Variants in RUVBL1 observed in about 807,000 individuals in gnomAD.
RUVBL1 encodes the protein RuvB like AAA ATPase 1.
Under a neutral mutation model 52.4 loss-of-function variants are expected in RUVBL1, and 4 were observed. The ratio of observed to expected loss-of-function variants is 0.08; its 90% CI spans 0.04 to 0.17. The LOEUF is 0.17. Among genes scored for constraint, RUVBL1 ranks in the 10% least tolerant of loss-of-function variants. RUVBL1 has a pLI of 1.00. For synonymous variants in RUVBL1, 217 were observed against 214.4 expected, an observed-to-expected ratio of 1.01 and a Z score of -0.10; for missense variants, 298 against 572.8, an observed-to-expected ratio of 0.52 and a Z score of 4.90.
At chr3:128,143,902 T>G (rs1216280331) in intron 1 of RUVBL1, among the ~76,000 whole-genome samples, 1 of 152,132 alleles carries the variant, frequency 6.6e-6, no homozygotes, top group Non-Finnish European at 1.5e-5. Context: ...AGGGAGTAGG[T>G]GCTGACCACT....
intron 1 of RUVBL1, among the ~76,000 whole-genome samples, chr3:128,136,667 T>C (rs1299071626): frequency 1.4e-5 from 2 of 141,680 alleles, no homozygotes; most frequent in African/African-American, 2.6e-5. Flanking sequence ...ATAAGAAACA[T>C]ATTTCACCTA....
At chr3:128,109,333 G>A (rs902812920) in intron 3 of RUVBL1, among the ~76,000 whole-genome samples, 1 of 152,108 alleles carries the variant, frequency 6.6e-6, no homozygotes, top group Non-Finnish European at 1.5e-5. Context: ...ATTACTTGAG[G>A]CCAGGAGTTC....
intron 9 of RUVBL1, chr3:128,071,657 C>T (rs937288068): frequency 9.2e-5 from 14 of 152,806 alleles, no homozygotes; most frequent in African/African-American, 2.9e-4. Flanking sequence ...GAATAAGTGA[C>T]AAATAAAGCC....
chr3:128,111,816 C>A (rs763553878), intron 3 of RUVBL1, among the ~76,000 whole-genome samples: 5 of 152,080 alleles, frequency 3.3e-5, no homozygotes, highest in Non-Finnish European at 7.4e-5. Context: ...GGTAAATTTC[C>A]TTCTTAAGAA....
chr3:128,123,942 G>A, upstream of RUVBL1: 1 of 1,232,386 alleles, frequency 8.1e-7, no homozygotes, highest in Non-Finnish European at 1.0e-6. Context: ...ACTTCCGTCT[G>A]TGTCTCCGGG....
intron 9 of RUVBL1, chr3:128,070,592 C>T (rs765722726): frequency 6.6e-6 from 1 of 152,262 alleles, no homozygotes; most frequent in Admixed American, 6.5e-5. Flanking sequence ...GATCACCCAG[C>T]TGTGTTCAGA....
In RUVBL1 at chr3:128,067,540, A is replaced by G. The variant is rs1942018017; in HGVS notation, c.940-2320T>C. ...ACCCGGTCCATGCAGTTGTATACAT[A>G]GTGTTCATGCTGGGCTCCTGTGCAT... On this transcript the variant is annotated intron_variant, in intron 9 of 9. Transcript: ENST00000464873. This position sits in a 1 kb window ranked among gnomAD's most constrained non-coding sequence, Gnocchi z 4.1. The G allele has an allele frequency of 2.5e-6, 4 of 1,614,126 alleles. No individual in the cohort carries two copies. Among genetic ancestry groups the G allele is most frequent in the African/African-American group, 1.3e-5 (1 of 75,030 alleles).
chr3:128,087,909 G>C (rs1276273584), intron 8 of RUVBL1, 101 bp from the exon 9 acceptor site: 12 of 838,178 alleles, frequency 1.4e-5, no homozygotes, highest in Non-Finnish European at 2.4e-5. Context: ...AGCTGGCTAG[G>C]CAGCCTAAGA....
intron 1 of RUVBL1, among the ~76,000 whole-genome samples, chr3:128,153,017 C>T (rs867851673): frequency 2.1e-5 from 2 of 95,498 alleles, no homozygotes; most frequent in Non-Finnish European, 4.2e-5. Context: ...CCTTCGCCCC[C>T]CCATGTTCCG....
At chr3:128,098,126 A>G (rs1436552086) in intron 7 of RUVBL1, among the ~76,000 whole-genome samples, 1 of 152,170 alleles carries the variant, frequency 6.6e-6, no homozygotes, top group Non-Finnish European at 1.5e-5. Flanking sequence ...AACCCAGCTA[A>G]GGTCTCAGTG....
At chr3:128,141,069 T>C (rs145609459) in intron 1 of RUVBL1, among the ~76,000 whole-genome samples, 13 of 152,338 alleles carry the variant, frequency 8.5e-5, no homozygotes, top group African/African-American at 3.1e-4. Context: ...TTCTGGTAAG[T>C]TATAATGGTT....
chr3:128,085,242 GGGA>G (rs1244470531), intron 9 of RUVBL1: 2 of 152,268 alleles, frequency 1.3e-5, no homozygotes, highest in African/African-American at 2.4e-5. Context: ...TTGCAAAGGA[GGGA>G]GGAGATGTTC....
At chr3:128,125,219 G>C (rs1460412203), upstream of RUVBL1, among the ~76,000 whole-genome samples, 1 of 151,738 alleles carries the variant, frequency 6.6e-6, no homozygotes, top group Non-Finnish European at 1.5e-5. Flanking sequence ...GTTTCACCGT[G>C]TTAGCCAGAA....
At chr3:128,149,790 T>C (rs950796194) in intron 1 of RUVBL1, among the ~76,000 whole-genome samples, 29 of 152,334 alleles carry the variant, frequency 1.9e-4, no homozygotes, top group African/African-American at 5.3e-4. Flanking sequence ...TTCGGTGATG[T>C]TGTAACACCA....
intron 8 of RUVBL1, among the ~76,000 whole-genome samples, chr3:128,093,601 AAACTCCTACAAG>A (rs1488678531): frequency 2.6e-5 from 4 of 152,102 alleles, no homozygotes; most frequent in Non-Finnish European, 5.9e-5. Context: ...TTTCAGTGAG[AAACTCCTACAAG>A]AACTCCTAAT....
At chr3:128,105,182 G>C (rs749457490) in intron 3 of RUVBL1, among the ~76,000 whole-genome samples, 1 of 147,664 alleles carries the variant, frequency 6.8e-6, no homozygotes. Flanking sequence ...GCACGATCTC[G>C]ACTCACTGCA....
rs189210147 is a variant in RUVBL1, at chr3:128,119,745, T to C, written c.142-331A>G. On this transcript the variant is annotated intron_variant, in intron 1 of 10. Coordinates refer to ENST00000322623, the MANE Select transcript of RUVBL1 (RefSeq NM_003707.3). ...CTTTCTGATGACATTTAATTTGATA[T>C]GTGAACCTCTGGGAGGAGCAGGAGT... is the stretch of plus-strand genomic sequence containing the variant. Among the ~76,000 whole-genome samples the C allele has an allele frequency of 3.1e-4, 47 of 152,306 alleles. No individual in the cohort carries two copies. In the East Asian group the frequency reaches 8.3e-3, roughly 27 times the overall value.
At chr3:128,066,604 T>C in intron 9 of RUVBL1, 1 of 258,528 alleles carries the variant, frequency 3.9e-6, no homozygotes, top group Non-Finnish European at 7.4e-6. Flanking sequence ...GTTTATTTTT[T>C]GTAGAGACGG....
At chr3:128,106,014 C>T (rs916803475) in intron 3 of RUVBL1, among the ~76,000 whole-genome samples, 6 of 151,952 alleles carry the variant, frequency 3.9e-5, no homozygotes, top group Non-Finnish European at 7.4e-5. Flanking sequence ...GGATTACAGG[C>T]GTGCACCACC....
Sources: allele counts gnomAD v4.1 joint callset (sites outside exome capture counted in the v4.1 genomes callset), GRCh38; gene constraint gnomAD v4.1.1; non-coding constraint Gnocchi (gnomAD v3.1); transcripts MANE v1.5; gene names NCBI Gene and HGNC (gene_info 2026-07-23, HGNC 2026-07-21).